Variants in PIWIL2 observed in about 807,000 individuals in gnomAD.
The protein encoded by PIWIL2 is piwi like RNA-mediated gene silencing 2, also known as piwi-like protein 2.
A neutral mutation model predicts 116.5 loss-of-function variants in PIWIL2; 81 were observed. That is an observed-to-expected ratio of 0.70 (90% CI 0.58 to 0.84). PIWIL2 has a LOEUF of 0.84. PIWIL2 is among the 40% of genes least tolerant of loss of function. The pLI is 0.00. For missense variants in PIWIL2, 1,272 were observed against 1,212.3 expected (o/e 1.05, Z -0.73); for synonymous variants, 489 against 429.5 (o/e 1.14, Z -1.71).
chr8:22,278,782 C>T (rs1276935591), intron 1 of PIWIL2, among the ~76,000 whole-genome samples: 1 of 152,188 alleles, frequency 6.6e-6, no homozygotes. Flanking sequence ...GCTCTGCCTC[C>T]TGTCGGATCA....
At chr8:22,330,655 C>T (rs1209031314) in intron 20 of PIWIL2, among the ~76,000 whole-genome samples, 2 of 151,050 alleles carry the variant, frequency 1.3e-5, no homozygotes, top group Non-Finnish European at 2.9e-5. Context: ...CGAGATCATG[C>T]CACTGCACTC....
In PIWIL2 at chr8:22,307,473, A is replaced by AAT. The variant is rs1563379262; in HGVS notation, c.1546-460_1546-459insAT. ...GACATTTGAAATTCTTTTATTATTC[A>AAT]TTTTTTTTTTTTTTTTTTTTTTTTT... On this transcript the variant is annotated intron_variant, in intron 13 of 22. Coordinates refer to ENST00000356766, the MANE Select transcript of PIWIL2 (RefSeq NM_018068.5). 1.8e-5 allele frequency among the ~76,000 whole-genome samples: 2 copies of AAT among 111,240 alleles called. 1 individual carries two copies. 73.0% of individuals were successfully genotyped at this position (111,240 alleles called of 152,430 possible).
chr8:22,354,234 T>C, intron 21 of PIWIL2, 37 bp from the exon 22 acceptor site: 1 of 1,360,476 alleles, frequency 7.4e-7, no homozygotes, highest in Non-Finnish European at 1.1e-6. Context: ...TCTGGCTGAA[T>C]CCGACCATTT....
chr8:22,338,691 A>AAAAT (rs71544880), intron 20 of PIWIL2, among the ~76,000 whole-genome samples: 8,964 of 150,034 alleles, frequency 0.06, 398 homozygotes, highest in African/African-American at 0.12. Context: ...CTCCATCTCA[A>AAAAT]AAATAAATAA....
In PIWIL2 at chr8:22,333,973, G is replaced by GT. The variant is rs777729511; in HGVS notation, c.2403+15711dup. 6.8e-3 allele frequency among the ~76,000 whole-genome samples: 957 copies of GT among 141,698 alleles called. 14 individuals are homozygous for GT. Among genetic ancestry groups the GT allele is most frequent in the African/African-American group, 0.014 (525 of 38,786 alleles). The allele number at this position is 141,698 out of a possible 152,430, so 93.0% of individuals were successfully genotyped here. On this transcript the variant is annotated intron_variant, in intron 20 of 22. Coordinates refer to ENST00000356766, the MANE Select transcript of PIWIL2 (RefSeq NM_018068.5). ...ACTAATGGGTACAGAGTTTTTTTGT[G>GT]TTTTTTTTTTTTTGGAGACAGTTTT... is the stretch of plus-strand genomic sequence containing the variant.
At chr8:22,339,467 C>T (rs766765448) in intron 20 of PIWIL2, among the ~76,000 whole-genome samples, 1 of 151,838 alleles carries the variant, frequency 6.6e-6, no homozygotes, top group Non-Finnish European at 1.5e-5. Flanking sequence ...GAGATCACAC[C>T]ACTGCACTCC....
intron 20 of PIWIL2, among the ~76,000 whole-genome samples, chr8:22,349,434 TA>T (rs1415957640): frequency 6.9e-6 from 1 of 144,328 alleles, no homozygotes; most frequent in Non-Finnish European, 1.5e-5. Context: ...TATATATATA[TA>T]TATATATATA....
intron 5 of PIWIL2, among the ~76,000 whole-genome samples, chr8:22,283,639 G>T (rs186836275): frequency 6.6e-6 from 1 of 152,248 alleles, no homozygotes; most frequent in East Asian, 1.9e-4. Context: ...TTGAACTCCT[G>T]ACCTCGTGAT....
chr8:22,357,487 C>T lies in PIWIL2; in HGVS notation c.*1982C>T, dbSNP rs538154005. ...TACAAAAATTTCTTCACTTTTTATT[C>T]TTGGTTTTCTTGCCTCGTTTTTCGG... is the stretch of plus-strand genomic sequence containing the variant. On this transcript the variant is annotated 3_prime_UTR_variant, in exon 23 of 23. Transcript: ENST00000356766. 7 of 152,148 alleles carry T rather than the reference C, an allele frequency of 4.6e-5. No individual in the cohort carries two copies. The highest frequency in any genetic ancestry group is 1.7e-4 in the African/African-American group (7 of 41,508). The allele number at this position is 152,148 out of a possible 1,614,324, so 9.4% of individuals were successfully genotyped here. A position where few individuals can be genotyped will look rare whatever the true frequency, so the allele number is the denominator to read the frequency against.
chr8:22,354,176 C>T, intron 21 of PIWIL2, 95 bp from the exon 22 acceptor site: 1 of 807,880 alleles, frequency 1.2e-6, no homozygotes, highest in Non-Finnish European at 2.2e-6. Context: ...GCTCTCTGAG[C>T]TTTAGTTGAA....
intron 14 of PIWIL2, among the ~76,000 whole-genome samples, chr8:22,309,382 C>T (rs1831269579): frequency 6.6e-6 from 1 of 151,930 alleles, no homozygotes; most frequent in Non-Finnish European, 1.5e-5. Context: ...GCCCTGTCAC[C>T]CAGGCTGGAG....
intron 7 of PIWIL2, among the ~76,000 whole-genome samples, chr8:22,288,223 A>G (rs2131995061): frequency 6.7e-6 from 1 of 149,652 alleles, no homozygotes; most frequent in African/African-American, 2.4e-5. Flanking sequence ...GCGTCAACCC[A>G]GGAGGCGGAG....
At position 22,311,254 on chromosome 8, in the gene PIWIL2, G is replaced by A. The variant is rs374676378; in HGVS notation, c.1943G>A (p.Arg648Gln). 6.8e-5 allele frequency: 109 copies of A among 1,613,956 alleles called. No homozygotes were observed. The highest frequency in any genetic ancestry group is 8.5e-5 in the Non-Finnish European group (100 of 1,179,972). Residue 648 changes from arginine (R) to glutamine (Q), a missense_variant, in exon 16 of 23, where the codon CGA becomes CAA. Physicochemically the swap from Arg to Gln is conservative, Grantham distance 43 (BLOSUM62 1). Transcript: ENST00000356766. Reference sequence around the variant, plus strand: ...GCCTGGGTTGAACTAAAGGATGACCGAATAGAGACTTATGTCAGAACCATT... The same window carrying A: ...GCCTGGGTTGAACTAAAGGATGACCAAATAGAGACTTATGTCAGAACCATT... Reference protein sequence around the residue: ...PPAWVELKDDRIETYVRTIQS... With the variant: ...PPAWVELKDDQIETYVRTIQS...
At chr8:22,334,320 G>T (rs757093841) in intron 20 of PIWIL2, among the ~76,000 whole-genome samples, 2 of 151,470 alleles carry the variant, frequency 1.3e-5, no homozygotes, top group Non-Finnish European at 2.9e-5. Context: ...AAAATTTGGG[G>T]CCAGGTGGCT....
intron 16 of PIWIL2, among the ~76,000 whole-genome samples, chr8:22,313,667 G>C (rs1196511670): frequency 2.6e-5 from 4 of 152,164 alleles, no homozygotes; most frequent in Non-Finnish European, 2.9e-5. Context: ...TGGCTTAAAG[G>C]GTTGGCAACC....
chr8:22,302,195 T>C lies in PIWIL2; in HGVS notation c.1182-1826T>C, dbSNP rs557336527. ...TGGTTTATTTTTCTGATTTTTCTTTTTTTTTGAGATGGGGTCTCGCTCTGT... is the reference window on the plus strand; with the variant it reads ...TGGTTTATTTTTCTGATTTTTCTTTCTTTTTGAGATGGGGTCTCGCTCTGT... On this transcript the variant is annotated intron_variant, in intron 10 of 22. Coordinates refer to ENST00000356766, the MANE Select transcript of PIWIL2 (RefSeq NM_018068.5). Among the ~76,000 whole-genome samples the C allele has an allele frequency of 5.3e-5, 8 of 152,250 alleles. No homozygotes were observed. In the South Asian group the frequency reaches 1.5e-3, roughly 28 times the overall value.
chr8:22,321,836 C>G, intron 20 of PIWIL2: 1 of 983,832 alleles, frequency 1.0e-6, no homozygotes, highest in Non-Finnish European at 1.2e-6. Flanking sequence ...TTATTAATAT[C>G]TTCCCCTAGG....
chr8:22,348,627 C>T (rs1395995038), intron 20 of PIWIL2, among the ~76,000 whole-genome samples: 1 of 152,128 alleles, frequency 6.6e-6, no homozygotes, highest in Non-Finnish European at 1.5e-5. Flanking sequence ...AAAAATTAGC[C>T]GGGCTTGATG....
At chr8:22,324,982 A>G (rs1831689705) in intron 20 of PIWIL2, among the ~76,000 whole-genome samples, 1 of 152,184 alleles carries the variant, frequency 6.6e-6, no homozygotes, top group East Asian at 1.9e-4. Flanking sequence ...TAGCCTCCAG[A>G]ACTGTGAGAC....
Sources: allele counts gnomAD v4.1 joint callset (sites outside exome capture counted in the v4.1 genomes callset), GRCh38; gene constraint gnomAD v4.1.1; transcripts MANE v1.5; gene names NCBI Gene and HGNC (gene_info 2026-07-23, HGNC 2026-07-21).